The following DPP10 variants were observed in gnomAD, a reference collection of about 807,000 sequenced individuals.
The protein encoded by DPP10 is dipeptidyl peptidase like 10.
A neutral mutation model predicts 120.9 loss-of-function variants in DPP10; 33 were observed. The observed-to-expected ratio is 0.27, with a 90% CI of 0.21 to 0.37. DPP10 has a LOEUF of 0.37. DPP10 is among the 10% of genes least tolerant of loss of function. The pLI is 1.00. For missense variants in DPP10, 816 were observed against 942.8 expected (o/e 0.87, Z 1.76); for synonymous variants, 337 against 326.1 (o/e 1.03, Z -0.36).
chr2:115,735,472 G>A (rs1016878033), intron 8 of DPP10, among the ~76,000 whole-genome samples: 9 of 151,842 alleles, frequency 5.9e-5, no homozygotes, highest in African/African-American at 1.7e-4. Flanking sequence ...TTAACAGGTG[G>A]ATCAGGCCAA....
At chr2:114,648,939 C>T (rs887467214) in intron 1 of DPP10, among the ~76,000 whole-genome samples, 13 of 152,134 alleles carry the variant, frequency 8.5e-5, no homozygotes, top group African/African-American at 3.1e-4. Flanking sequence ...TCTGTAATTC[C>T]TCTGTAGACG....
intron 3 of DPP10, among the ~76,000 whole-genome samples, chr2:115,367,325 G>C (rs2065139023): frequency 1.3e-5 from 2 of 151,868 alleles, no homozygotes; most frequent in Non-Finnish European, 2.9e-5. Flanking sequence ...GGGATTTTTA[G>C]TTAAATTCTA....
intron 3 of DPP10, among the ~76,000 whole-genome samples, chr2:115,490,939 G>A (rs2076081023): frequency 6.6e-6 from 1 of 152,088 alleles, no homozygotes; most frequent in Non-Finnish European, 1.5e-5. Context: ...CCAACATGGT[G>A]AAACCCCATC....
chr2:115,764,689 A>T (rs1680512070), intron 12 of DPP10, among the ~76,000 whole-genome samples: 1 of 152,094 alleles, frequency 6.6e-6, no homozygotes, highest in Non-Finnish European at 1.5e-5. Flanking sequence ...AAACTTTTTT[A>T]AAAAACAAAG....
At chr2:115,060,260 G>T (rs1389736548) in intron 1 of DPP10, among the ~76,000 whole-genome samples, 1 of 150,504 alleles carries the variant, frequency 6.6e-6, no homozygotes, top group Non-Finnish European at 1.5e-5. Flanking sequence ...TATAATATAT[G>T]CATGTGATAG....
At chr2:114,713,479 C>G (rs1257388257) in intron 1 of DPP10, among the ~76,000 whole-genome samples, 1 of 152,142 alleles carries the variant, frequency 6.6e-6, no homozygotes, top group Admixed American at 6.5e-5. Flanking sequence ...CATCGATATA[C>G]TTTCCTCACT....
At chr2:114,713,143 C>T (rs990674273) in intron 1 of DPP10, among the ~76,000 whole-genome samples, 6 of 151,976 alleles carry the variant, frequency 3.9e-5, no homozygotes, top group Non-Finnish European at 7.4e-5. Flanking sequence ...TCCACCACCA[C>T]GCCTGGCTAA....
chr2:115,431,504 T>C (rs1449042206), intron 3 of DPP10, among the ~76,000 whole-genome samples: 1 of 152,126 alleles, frequency 6.6e-6, no homozygotes, highest in African/African-American at 2.4e-5. Flanking sequence ...GGTGTAGAGA[T>C]AGCACTACCT....
chr2:114,492,554 A>T (rs1455993292), intron 1 of DPP10, among the ~76,000 whole-genome samples: 1 of 152,220 alleles, frequency 6.6e-6, no homozygotes, highest in African/African-American at 2.4e-5. Context: ...GGAAAAAGTA[A>T]ATAAAATGTA....
At chr2:114,813,941 AACACACACACACACACACAC>A (rs375858356) in intron 1 of DPP10, among the ~76,000 whole-genome samples, 8 of 139,402 alleles carry the variant, frequency 5.7e-5, no homozygotes, top group Admixed American at 3.6e-4. Context: ...GGCACGCATG[AACACACACACACACACACAC>A]ACACACACAC....
At chr2:115,673,219 T>C (rs1198584162) in intron 5 of DPP10, among the ~76,000 whole-genome samples, 1 of 152,228 alleles carries the variant, frequency 6.6e-6, no homozygotes, top group East Asian at 1.9e-4. Flanking sequence ...TTTGTTATAC[T>C]GTATTTCCAA....
At chr2:115,262,653 A>G (rs2059302767) in intron 1 of DPP10, among the ~76,000 whole-genome samples, 1 of 152,198 alleles carries the variant, frequency 6.6e-6, no homozygotes. Context: ...ATGTAAAATT[A>G]AATAAGGTAA....
intron 3 of DPP10, among the ~76,000 whole-genome samples, chr2:115,360,922 G>A (rs915506631): frequency 6.6e-6 from 1 of 152,176 alleles, no homozygotes; most frequent in Non-Finnish European, 1.5e-5. Context: ...CCAGGGCCTA[G>A]AGTTTTTTGC....
At chr2:115,756,165 CT>C (rs1421665803) in intron 11 of DPP10, among the ~76,000 whole-genome samples, 1 of 151,894 alleles carries the variant, frequency 6.6e-6, no homozygotes, top group Non-Finnish European at 1.5e-5. Context: ...TAGCATTGTG[CT>C]TATAAGAGTC....
chr2:115,520,786 T>C (rs1021628499), intron 4 of DPP10, among the ~76,000 whole-genome samples: 5 of 152,240 alleles, frequency 3.3e-5, no homozygotes, highest in Non-Finnish European at 7.3e-5. Flanking sequence ...GTTTAATGAT[T>C]TCTTGCTATG....
chr2:114,495,692 T>A (rs532013014), intron 1 of DPP10, among the ~76,000 whole-genome samples: 1 of 152,160 alleles, frequency 6.6e-6, no homozygotes, highest in Non-Finnish European at 1.5e-5. Flanking sequence ...TCAACAGTGA[T>A]AGGCCATTTA....
At chr2:115,292,119 T>C (rs2060682038) in intron 1 of DPP10, among the ~76,000 whole-genome samples, 1 of 152,160 alleles carries the variant, frequency 6.6e-6, no homozygotes, top group Admixed American at 6.5e-5. Context: ...ATGTATCCAG[T>C]CCTTCACTAT....
At chr2:114,588,437 G>T (rs899806899) in intron 1 of DPP10, among the ~76,000 whole-genome samples, 1 of 152,176 alleles carries the variant, frequency 6.6e-6, no homozygotes, top group Non-Finnish European at 1.5e-5. Context: ...GCAGACTTTG[G>T]TCCTATAGCA....
intron 3 of DPP10, among the ~76,000 whole-genome samples, chr2:115,356,892 A>G (rs574234331): frequency 1.3e-5 from 2 of 152,194 alleles, no homozygotes; most frequent in South Asian, 4.2e-4. Context: ...AAGTAATGGG[A>G]TTGCTGGATT....
Sources: allele counts gnomAD v4.1 joint callset (sites outside exome capture counted in the v4.1 genomes callset), GRCh38; gene constraint gnomAD v4.1.1; transcripts MANE v1.5; gene names NCBI Gene and HGNC (gene_info 2026-07-23, HGNC 2026-07-21).